NBEA: variants seen among roughly 807,000 people sequenced by gnomAD.
The protein encoded by NBEA is lysosomal-trafficking regulator 2.
A neutral mutation model predicts 343.4 loss-of-function variants in NBEA; 44 were observed. The observed-to-expected ratio is 0.13, with a 90% confidence interval of 0.10 to 0.16. NBEA has a LOEUF of 0.16. Ranked by LOEUF, NBEA falls within the 10% of genes least tolerant of loss-of-function variation. NBEA has a pLI of 1.00. For missense variants in NBEA, 2,555 were observed against 3,631.3 expected (o/e 0.70, Z 7.62); for synonymous variants, 1,175 against 1,238.7 (o/e 0.95, Z 1.08).
intron 7 of NBEA, among the ~76,000 whole-genome samples, chr13:35,057,208 C>G (rs1475942351): frequency 1.3e-5 from 2 of 151,380 alleles, no homozygotes; most frequent in East Asian, 1.9e-4. Flanking sequence ...CAATTCATTT[C>G]TCAGTTTTGT....
At chr13:34,966,958 CTTT>C (rs576261074) in intron 1 of NBEA, among the ~76,000 whole-genome samples, 1 of 131,186 alleles carries the variant, frequency 7.6e-6, no homozygotes, top group Admixed American at 7.7e-5. Context: ...ACTAACCTTT[CTTT>C]TTTTTTTTTT....
intron 53 of NBEA, among the ~76,000 whole-genome samples, chr13:35,652,379 T>G (rs4326922): frequency 0.94 from 140,640 of 149,804 alleles, 66,639 homozygotes; most frequent in East Asian, 1. Context: ...GGTGGCTCAC[T>G]CCTGTAATCC....
At chr13:35,668,869 T>G (rs1470358889) in intron 58 of NBEA, among the ~76,000 whole-genome samples, 1 of 152,186 alleles carries the variant, frequency 6.6e-6, no homozygotes, top group African/African-American at 2.4e-5. Flanking sequence ...AAACACGTAT[T>G]TTTCAGCAGA....
Position 35,353,998 on chromosome 13 carries a change from C to T in NBEA, c.6179+1675C>T, listed in dbSNP as rs567948393. Among the ~76,000 whole-genome samples, 15 of 152,258 alleles carry T rather than the reference C, an allele frequency of 9.9e-5. No homozygotes were observed. In the South Asian group the frequency reaches 1.9e-3, roughly 19 times the overall value. ...TCTTGAGGCAGAATTTCTTCTTCTC[C>T]GGGAAACCTCAGCTTTTGCTAAGGC... On this transcript the variant is annotated intron_variant, in intron 38 of 58. Coordinates refer to ENST00000379939, the MANE Select transcript of NBEA (RefSeq NM_001385012.1).
rs866983145 is a variant in NBEA, at chr13:35,404,586, C to G, written c.6180-27683C>G. 8.1e-3 allele frequency among the ~76,000 whole-genome samples: 1,010 copies of G among 124,350 alleles called. 15 individuals are homozygous for G. The highest frequency in any genetic ancestry group is 0.031 in the African/African-American group (962 of 31,450). The allele number at this position is 124,350 out of a possible 152,430, so 81.6% of individuals were successfully genotyped here. ...CATGGACACAGGAAGGGGAACATCA[C>G]ACTCTGGGGACTGTTGTGGGGTGGG... On this transcript the variant is annotated intron_variant, in intron 38 of 58. Transcript: ENST00000379939.
intron 10 of NBEA, among the ~76,000 whole-genome samples, chr13:35,080,973 A>G (rs74051246): frequency 0.037 from 5,623 of 152,260 alleles, 160 homozygotes; most frequent in African/African-American, 0.077. Flanking sequence ...CAGACCAAAG[A>G]TGCTGGCATT....
intron 1 of NBEA, among the ~76,000 whole-genome samples, chr13:35,016,201 T>C (rs1252680140): frequency 1.3e-5 from 2 of 152,206 alleles, no homozygotes; most frequent in African/African-American, 4.8e-5. Context: ...TTTGTAATTA[T>C]ATTCTATAAT....
intron 39 of NBEA, among the ~76,000 whole-genome samples, chr13:35,433,841 G>A (rs1018127688): frequency 1.7e-4 from 26 of 151,970 alleles, no homozygotes; most frequent in African/African-American, 6.0e-4. Flanking sequence ...TGCCTACCTA[G>A]TAGTGGCATG....
In NBEA at chr13:34,992,255, TATATA is replaced by T. The variant is rs1241818048; in HGVS notation, c.295-48677_295-48673del. Among the ~76,000 whole-genome samples, 809 of 137,474 alleles carry T rather than the reference TATATA, an allele frequency of 5.9e-3. 10 individuals are homozygous for T. The highest frequency in any genetic ancestry group is 0.022 in the African/African-American group (773 of 35,868). The allele number at this position is 137,474 out of a possible 152,430, so 90.2% of individuals were successfully genotyped here. ...GTGTGTGTGTATATATATATATATA[TATATA>T]TATTTTTTTTTTTAGACAGAGTCTA... On this transcript the variant is annotated intron_variant, in intron 1 of 58. Transcript: ENST00000379939.
At chr13:35,640,589 G>A (rs775228596) in intron 49 of NBEA, among the ~76,000 whole-genome samples, 3 of 152,176 alleles carry the variant, frequency 2.0e-5, no homozygotes, top group African/African-American at 4.8e-5. Flanking sequence ...TCATAATTTC[G>A]TAACTTAGTA....
chr13:35,205,496 T>G (rs769603471), intron 31 of NBEA, among the ~76,000 whole-genome samples: 3 of 152,200 alleles, frequency 2.0e-5, no homozygotes, highest in Non-Finnish European at 4.4e-5. Context: ...ACCCTTTTAC[T>G]GTAATTTTCT....
chr13:35,495,417 T>C (rs1163512396), intron 41 of NBEA, among the ~76,000 whole-genome samples: 1 of 152,062 alleles, frequency 6.6e-6, no homozygotes, highest in East Asian at 1.9e-4. Context: ...AATTATCCAA[T>C]AATAGTTGGA....
chr13:35,385,678 A>C (rs1378267879), intron 38 of NBEA, among the ~76,000 whole-genome samples: 1 of 152,164 alleles, frequency 6.6e-6, no homozygotes, highest in Non-Finnish European at 1.5e-5. Flanking sequence ...ACTCCAGCCT[A>C]GGTGACAAAG....
chr13:35,660,035 G>A (rs1057381931), intron 55 of NBEA, among the ~76,000 whole-genome samples: 3 of 152,210 alleles, frequency 2.0e-5, no homozygotes, highest in African/African-American at 7.2e-5. Context: ...TTATCCTCTT[G>A]AGCCTCTCTT....
At chr13:35,633,152 A>G (rs1320736863) in intron 49 of NBEA, among the ~76,000 whole-genome samples, 1 of 151,296 alleles carries the variant, frequency 6.6e-6, no homozygotes, top group Non-Finnish European at 1.5e-5. Flanking sequence ...GCCCAGGCTG[A>G]AGTGCAGTGG....
intron 31 of NBEA, among the ~76,000 whole-genome samples, chr13:35,206,158 GA>G (rs780466611): frequency 1.4e-3 from 212 of 152,158 alleles, no homozygotes; most frequent in Admixed American, 2.6e-3. Context: ...GGGATTTAGA[GA>G]TTTTTTTTCT....
intron 53 of NBEA, among the ~76,000 whole-genome samples, chr13:35,654,052 T>C (rs1005395460): frequency 6.6e-6 from 1 of 152,224 alleles, no homozygotes; most frequent in Admixed American, 6.5e-5. Flanking sequence ...AGAGTGGTGG[T>C]GACCTTCTAC....
At chr13:35,584,796 G>A (rs1218321448) in intron 46 of NBEA, among the ~76,000 whole-genome samples, 2 of 151,708 alleles carry the variant, frequency 1.3e-5, no homozygotes, top group Admixed American at 6.6e-5. Flanking sequence ...CACCACGCCC[G>A]GCCCAGCTAT....
At chr13:35,367,488 G>A (rs1020812138) in intron 38 of NBEA, among the ~76,000 whole-genome samples, 6 of 149,988 alleles carry the variant, frequency 4.0e-5, no homozygotes, top group Admixed American at 6.6e-5. Context: ...AATTTGATTC[G>A]TAATTTTTCT....
Sources: allele counts gnomAD v4.1 joint callset (sites outside exome capture counted in the v4.1 genomes callset), GRCh38; gene constraint gnomAD v4.1.1; transcripts MANE v1.5; gene names NCBI Gene and HGNC (gene_info 2026-07-23, HGNC 2026-07-21).